GNG12: variants seen among roughly 807,000 people sequenced by gnomAD.
The protein encoded by GNG12 is G protein subunit gamma 12.
For synonymous variants in GNG12, 28 were observed against 29.7 expected (o/e 0.94, Z 0.19); for missense variants, 69 against 83.8 (o/e 0.82, Z 0.69).
intron 1 of GNG12, among the ~76,000 whole-genome samples, chr1:67,781,206 C>T (rs941311382): frequency 2.0e-5 from 3 of 152,308 alleles, no homozygotes; most frequent in South Asian, 2.1e-4. Context: ...ATAACATCCA[C>T]CCTTTATACT....
intron 1 of GNG12, among the ~76,000 whole-genome samples, chr1:67,827,378 C>G (rs776945351): frequency 6.6e-6 from 1 of 152,190 alleles, no homozygotes. Context: ...TACTAACCCT[C>G]TGGCAGAACT....
At chr1:67,762,607 A>C (rs1646612048) in intron 2 of GNG12, among the ~76,000 whole-genome samples, 1 of 152,152 alleles carries the variant, frequency 6.6e-6, no homozygotes, top group South Asian at 2.1e-4. Flanking sequence ...CTTCTACTGG[A>C]ATGGGGTATG....
chr1:67,710,081 T>G (rs1297409108), intron 2 of GNG12, among the ~76,000 whole-genome samples: 1 of 43,648 alleles, frequency 2.3e-5, no homozygotes, highest in Non-Finnish European at 4.3e-5. Context: ...TATAGTTATA[T>G]ATATATAGTT....
chr1:67,734,247 G>A (rs1646438552), intron 2 of GNG12, among the ~76,000 whole-genome samples: 1 of 151,826 alleles, frequency 6.6e-6, no homozygotes, highest in African/African-American at 2.4e-5. Flanking sequence ...GAGGCAGAGA[G>A]AGCACAGGGC....
chr1:67,717,564 G>A (rs940061484), intron 2 of GNG12, among the ~76,000 whole-genome samples: 2 of 150,662 alleles, frequency 1.3e-5, no homozygotes, highest in African/African-American at 4.9e-5. Flanking sequence ...AGTTTTCAAA[G>A]CTCTGAATAA....
At chr1:67,798,594 T>C (rs1646845794) in intron 1 of GNG12, among the ~76,000 whole-genome samples, 1 of 151,786 alleles carries the variant, frequency 6.6e-6, no homozygotes, top group East Asian at 1.9e-4. Flanking sequence ...TTCCTCCTTC[T>C]CCTCAGCCTA....
Position 67,705,353 on chromosome 1 carries a change from T to C in GNG12, c.*98A>G. The stretch of plus-strand genomic sequence containing the variant: ...TCCAAGCTGAGAACATTTTAGTTAT[T>C]AGCAGTGGTTACCAAATAAGCTGAA... On this transcript the variant is annotated 3_prime_UTR_variant, in exon 4 of 4. Coordinates refer to ENST00000370982, the MANE Select transcript of GNG12 (RefSeq NM_018841.6). The C allele has an allele frequency of 1.3e-6, 2 of 1,520,174 alleles. No homozygotes were observed. The highest frequency in any genetic ancestry group is 1.8e-6 in the Non-Finnish European group (2 of 1,137,954). The allele number at this position is 1,520,174 out of a possible 1,614,324, so 94.2% of individuals were successfully genotyped here.
chr1:67,805,915 A>G (rs1191144472), intron 1 of GNG12, among the ~76,000 whole-genome samples: 4 of 150,470 alleles, frequency 2.7e-5, no homozygotes, highest in Non-Finnish European at 4.4e-5. Flanking sequence ...AAAAAAAAAA[A>G]TCTTACCCAT....
intron 2 of GNG12, among the ~76,000 whole-genome samples, chr1:67,737,480 C>G (rs993832788): frequency 6.6e-6 from 1 of 152,158 alleles, no homozygotes; most frequent in East Asian, 1.9e-4. Flanking sequence ...TATCTAGGTT[C>G]AGCTGTTAGT....
At chr1:67,734,753 A>C (rs1646442421) in intron 2 of GNG12, among the ~76,000 whole-genome samples, 1 of 152,200 alleles carries the variant, frequency 6.6e-6, no homozygotes, top group Non-Finnish European at 1.5e-5. Context: ...CAGCCTCCTG[A>C]GTAGCTAGGA....
rs1557610103 is a variant in GNG12 at position 67,766,137 on chromosome 1, CACACACACACA to C, written c.-27+11310_-27+11320del. ...ACACACACACACACACACACACACA[CACACACACACA>C]CCCCTAAACAATGCCCTCATAGACA... On this transcript the variant is annotated intron_variant, in intron 2 of 3. Transcript: ENST00000370982. 7.0e-4 allele frequency among the ~76,000 whole-genome samples: 104 copies of C among 148,612 alleles called. 1 individual carries two copies. The highest frequency in any genetic ancestry group is 3.5e-3 in the Middle Eastern group (1 of 286).
At chr1:67,759,241 G>A (rs1646588210) in intron 2 of GNG12, among the ~76,000 whole-genome samples, 1 of 152,214 alleles carries the variant, frequency 6.6e-6, no homozygotes, top group African/African-American at 2.4e-5. Context: ...CAGTACTAAT[G>A]GAGGCCAGAG....
At chr1:67,710,140 A>ATAGT (rs567879964) in intron 2 of GNG12, among the ~76,000 whole-genome samples, 6 of 6,040 alleles carry the variant, frequency 9.9e-4, no homozygotes, top group African/African-American at 3.5e-3. Flanking sequence ...ATATATAGTT[A>ATAGT]TATATATATA....
At chr1:67,788,871 C>T (rs987739567) in intron 1 of GNG12, among the ~76,000 whole-genome samples, 1 of 152,138 alleles carries the variant, frequency 6.6e-6, no homozygotes, top group Non-Finnish European at 1.5e-5. Context: ...TACTTTGTGG[C>T]AATATCTGAC....
At chr1:67,733,435 C>A (rs1297847356) in intron 2 of GNG12, among the ~76,000 whole-genome samples, 1 of 152,122 alleles carries the variant, frequency 6.6e-6, no homozygotes, top group Non-Finnish European at 1.5e-5. Flanking sequence ...ATCATATACA[C>A]GTGCACGTAT....
intron 2 of GNG12, among the ~76,000 whole-genome samples, chr1:67,723,362 G>C (rs1182479441): frequency 6.6e-6 from 1 of 152,166 alleles, no homozygotes; most frequent in Admixed American, 6.5e-5. Flanking sequence ...CAAAAGGTAG[G>C]GAAACAGAGG....
At chr1:67,805,691 A>G (rs963768038) in intron 1 of GNG12, among the ~76,000 whole-genome samples, 1 of 152,124 alleles carries the variant, frequency 6.6e-6, no homozygotes, top group African/African-American at 2.4e-5. Context: ...CATACATGTA[A>G]CAAGAATGCT....
At chr1:67,789,108 G>A (rs1646786291) in intron 1 of GNG12, among the ~76,000 whole-genome samples, 1 of 152,198 alleles carries the variant, frequency 6.6e-6, no homozygotes, top group Non-Finnish European at 1.5e-5. Context: ...TACAAGGGTG[G>A]TAATGAATAA....
In GNG12 at chr1:67,763,789, A is replaced by G. The variant is rs148572482; in HGVS notation, c.-27+13669T>C. Reference sequence around the variant, plus strand: ...CCTATGAATTACTGATTGGCTTTCCACCATTAATTTTTATATTAATAATTT... The same window carrying G: ...CCTATGAATTACTGATTGGCTTTCCGCCATTAATTTTTATATTAATAATTT... On this transcript the variant is annotated intron_variant, in intron 2 of 3. Transcript: ENST00000370982. Among the ~76,000 whole-genome samples, 580 of 152,208 alleles carry G rather than the reference A, an allele frequency of 3.8e-3. 5 individuals carry two copies. The highest frequency in any genetic ancestry group is 0.013 in the African/African-American group (556 of 41,510).
Sources: allele counts gnomAD v4.1 joint callset (sites outside exome capture counted in the v4.1 genomes callset), GRCh38; gene constraint gnomAD v4.1.1; transcripts MANE v1.5; gene names NCBI Gene and HGNC (gene_info 2026-07-23, HGNC 2026-07-21).